The following MARCHF9 variants were observed in gnomAD, a reference collection of about 807,000 sequenced individuals.
MARCHF9 encodes the protein membrane associated ring-CH-type finger 9.
Under a neutral mutation model 35.2 loss-of-function variants are expected in MARCHF9, and 17 were observed. The observed-to-expected ratio is 0.48, with a 90% CI of 0.33 to 0.72. The LOEUF (loss-of-function observed/expected upper bound fraction) is 0.72, where lower values mean the gene tolerates loss of function less well. Ranked by LOEUF, MARCHF9 falls within the 30% of genes least tolerant of loss-of-function variation. The pLI is 0.02. For synonymous variants in MARCHF9, 183 were observed against 207.4 expected (o/e 0.88, Z 1.01); for missense variants, 386 against 478.2 (o/e 0.81, Z 1.80).
chr12:57,755,911 G>A, intron 1 of MARCHF9, 26 bp downstream of exon 1: 1 of 1,432,828 alleles, frequency 7.0e-7, no homozygotes, highest in Non-Finnish European at 9.1e-7. Context: ...CTGGCCGGGC[G>A]CGGAGGGTGG....
At position 57,759,562 on chromosome 12, in the gene MARCHF9, G is replaced by T. The variant is rs1357252354; in HGVS notation, c.*665G>T. On this transcript the variant is annotated 3_prime_UTR_variant, in exon 4 of 4. Coordinates refer to ENST00000266643, the MANE Select transcript of MARCHF9 (RefSeq NM_138396.6). ...CACTTGCTGGTGAATAATTCATGTT[G>T]GCTGCTAGGTGGCAGCACTCCGAGG... The T allele has an allele frequency of 6.6e-6, 1 of 152,194 alleles. No homozygotes were observed. Among genetic ancestry groups the T allele is most frequent in the Non-Finnish European group, 1.5e-5 (1 of 68,040 alleles). 9.4% of individuals were successfully genotyped at this position (152,194 alleles called of 1,614,324 possible). A position where few individuals can be genotyped will look rare whatever the true frequency, so the allele number is the denominator to read the frequency against.
At position 57,758,372 on chromosome 12, in the gene MARCHF9, C is replaced by T. The variant is rs1955299967; in HGVS notation, c.706+72C>T. On this transcript the variant is annotated intron_variant, in intron 3 of 3. Transcript: ENST00000266643. This position sits in a 1 kb window ranked among gnomAD's most constrained non-coding sequence, Gnocchi z 5.4. ...CACACCTAACTCCCCTGCCCATCCCCTCAGTTTCCTGGCTTTATTTTCTGC... is the reference window on the plus strand; with the variant it reads ...CACACCTAACTCCCCTGCCCATCCCTTCAGTTTCCTGGCTTTATTTTCTGC... The T allele has an allele frequency of 6.7e-7, 1 of 1,495,064 alleles. No individual in the cohort carries two copies. Among genetic ancestry groups the T allele is most frequent in the African/African-American group, 1.4e-5 (1 of 71,890 alleles). The allele number at this position is 1,495,064 out of a possible 1,614,324, so 92.6% of individuals were successfully genotyped here. A position where few individuals can be genotyped will look rare whatever the true frequency, so the allele number is the denominator to read the frequency against.
chr12:57,755,466 C>A lies in MARCHF9; in HGVS notation c.-63C>A. ...CGCCCCCTTCCCGGCCTTGTCCTCT[C>A]CCCTCCCCCCGCCGCTAGCGAGCCC... On this transcript the variant is annotated 5_prime_UTR_variant, in exon 1 of 4. Transcript: ENST00000266643. The A allele has an allele frequency of 3.5e-6, 1 of 287,290 alleles. No individual in the cohort carries two copies. Among genetic ancestry groups the A allele is most frequent in the Non-Finnish European group, 6.0e-6 (1 of 167,104 alleles). The allele number at this position is 287,290 out of a possible 1,614,324, so 17.8% of individuals were successfully genotyped here. A position where few individuals can be genotyped will look rare whatever the true frequency, so the allele number is the denominator to read the frequency against.
Position 57,759,276 on chromosome 12 carries a change from A to G in MARCHF9, c.*379A>G, listed in dbSNP as rs3741423. ...CAGAAGAAAGGGGCTGTAGACCCCT[A>G]TTCCCCACCCCATGGCCACAGGGCA... On this transcript the variant is annotated 3_prime_UTR_variant, in exon 4 of 4. Coordinates refer to ENST00000266643, the MANE Select transcript of MARCHF9 (RefSeq NM_138396.6). The G allele has an allele frequency of 0.047, 10,076 of 214,644 alleles. 342 individuals are homozygous for G. The highest frequency in any genetic ancestry group is 0.068 in the Non-Finnish European group (7,233 of 106,070). The allele number at this position is 214,644 out of a possible 1,614,324, so 13.3% of individuals were successfully genotyped here.
At position 57,758,927 on chromosome 12, in the gene MARCHF9, C is replaced by T; in HGVS notation, c.*30C>T. 2.0e-6 allele frequency: 3 copies of T among 1,534,388 alleles called. No individual in the cohort carries two copies. The highest frequency in any genetic ancestry group is 1.7e-4 in the Middle Eastern group (1 of 5,726). On this transcript the variant is annotated 3_prime_UTR_variant, in exon 4 of 4. Transcript: ENST00000266643. This position sits in a 1 kb window ranked among gnomAD's most constrained non-coding sequence, Gnocchi z 5.4. The stretch of plus-strand genomic sequence containing the variant: ...GACTCCAGGAGCAGGGATCTTGAGT[C>T]AATGCATCAGTCAGAGAAGAACTCT...
chr12:57,757,976 C>A, intron 2 of MARCHF9, 132 bp from the exon 3 acceptor site: 1 of 883,136 alleles, frequency 1.1e-6, no homozygotes, highest in Non-Finnish European at 1.9e-6. Flanking sequence ...AATCAAGGCA[C>A]AGAGAAGACA....
In MARCHF9 at chr12:57,759,163, T is replaced by TC. The variant is rs925796529; in HGVS notation, c.*269dup. ...GGCAGGCGGGGAGAGCAGCTTTCCT[T>TC]CCCTGGAGAGAACCGTCTTTACCTC... is the stretch of plus-strand genomic sequence containing the variant. On this transcript the variant is annotated 3_prime_UTR_variant, in exon 4 of 4. Transcript: ENST00000266643. 3 of 429,422 alleles carry TC rather than the reference T, an allele frequency of 7.0e-6. No homozygotes were observed. The highest frequency in any genetic ancestry group is 1.3e-5 in the Non-Finnish European group (3 of 239,492). 26.6% of individuals were successfully genotyped at this position (429,422 alleles called of 1,614,324 possible). A position where few individuals can be genotyped will look rare whatever the true frequency, so the allele number is the denominator to read the frequency against.
At chr12:57,757,684 T>G (rs1272983497) in intron 2 of MARCHF9, 2 of 442,856 alleles carry the variant, frequency 4.5e-6, no homozygotes, top group Non-Finnish European at 8.0e-6. Flanking sequence ...AAAATGATGT[T>G]GATGATGATA....
rs1955279408 is a variant in MARCHF9 at position 57,755,522 on chromosome 12, C to T, written c.-7C>T. ...GCACGCTGCCCCCCGCCCCCGGTGT[C>T]CGGACGATGCTCAAGTCTCGGCTCC... On this transcript the variant is annotated 5_prime_UTR_variant, in exon 1 of 4. Coordinates refer to ENST00000266643, the MANE Select transcript of MARCHF9 (RefSeq NM_138396.6). The T allele has an allele frequency of 4.8e-6, 5 of 1,047,186 alleles. No individual in the cohort carries two copies. In the South Asian group the frequency reaches 8.3e-5, roughly 17 times the overall value. The allele number at this position is 1,047,186 out of a possible 1,614,324, so 64.9% of individuals were successfully genotyped here.
At position 57,758,402 on chromosome 12, in the gene MARCHF9, G is replaced by A. The variant is rs1418062715; in HGVS notation, c.706+102G>A. On this transcript the variant is annotated intron_variant, in intron 3 of 3. Coordinates refer to ENST00000266643, the MANE Select transcript of MARCHF9 (RefSeq NM_138396.6). This position sits in a 1 kb window ranked among gnomAD's most constrained non-coding sequence, Gnocchi z 5.4. ...TTTCCTGGCTTTATTTTCTGCCACTGTAGCCTTTAGTGCTATCCTGGTGCC... is the reference window on the plus strand; with the variant it reads ...TTTCCTGGCTTTATTTTCTGCCACTATAGCCTTTAGTGCTATCCTGGTGCC... 3 of 1,394,108 alleles carry A rather than the reference G, an allele frequency of 2.2e-6. No individual in the cohort carries two copies. The highest frequency in any genetic ancestry group is 2.3e-5 in the Admixed American group (1 of 42,786). 86.4% of individuals were successfully genotyped at this position (1,394,108 alleles called of 1,614,324 possible).
Position 57,755,532 on chromosome 12 carries a change from C to A in MARCHF9, c.4C>A (p.Leu2Ile). 8.7e-7 allele frequency: 1 copy of A among 1,149,248 alleles called. No homozygotes were observed. Among genetic ancestry groups the A allele is most frequent in the Non-Finnish European group, 1.1e-6 (1 of 918,150 alleles). 71.2% of individuals were successfully genotyped at this position (1,149,248 alleles called of 1,614,324 possible). MLKSRLRMFLNE... is the reference protein window; with the variant it reads MIKSRLRMFLNE... ...CCCCGCCCCCGGTGTCCGGACGATG[C>A]TCAAGTCTCGGCTCCGCATGTTTCT... Residue 2 changes from leucine to isoleucine, a missense_variant, in exon 1 of 4, where the codon CTC becomes ATC. Physicochemically the swap from Leu to Ile is conservative, Grantham distance 5 (BLOSUM62 2). Coordinates refer to ENST00000266643, the MANE Select transcript of MARCHF9 (RefSeq NM_138396.6).
chr12:57,758,585 C>T lies in MARCHF9; in HGVS notation c.729C>T (p.Ser243=), dbSNP rs970999606. The T allele has an allele frequency of 5.6e-6, 9 of 1,611,314 alleles. No individual in the cohort carries two copies. The African/African-American group carries it at 8.0e-5, about 14-fold the overall frequency. The part of the protein sequence containing the change: ...VCIGLIIHEG[S]SVYRIFKRWQ... ...CAGGCCTCATCATCCATGAAGGCTCCTCTGTCTACCGCATCTTCAAGCGCT... is the reference window on the plus strand; with the variant it reads ...CAGGCCTCATCATCCATGAAGGCTCTTCTGTCTACCGCATCTTCAAGCGCT... Residue 243 remains serine (S), a synonymous_variant, in exon 4 of 4, where the codon TCC becomes TCT. Coordinates refer to ENST00000266643, the MANE Select transcript of MARCHF9 (RefSeq NM_138396.6). This position sits in a 1 kb window ranked among gnomAD's most constrained non-coding sequence, Gnocchi z 5.4.
Position 57,755,808 on chromosome 12 carries a change from G to A in MARCHF9, c.280G>A (p.Ala94Thr). Residue 94 changes from alanine (A) to threonine (T), a missense_variant, in exon 1 of 4, where the codon GCC becomes ACC. Ala to Thr is a moderately conservative substitution (Grantham distance 58). Around this residue, in one of 3 missense-constraint regions of MARCHF9, gnomAD observed 219 missense variants for 316.2 expected, o/e 0.69. Transcript: ENST00000266643. ...PPLPPPGALD[A>T]LSLSSSLDSG... The stretch of plus-strand genomic sequence containing the variant: ...GCTGCCGCCCCCGGGCGCGCTGGAC[G>A]CCCTGTCGCTCAGCAGTAGCCTGGA... The A allele has an allele frequency of 7.3e-6, 10 of 1,365,542 alleles. No individual in the cohort carries two copies. Among genetic ancestry groups the A allele is most frequent in the Non-Finnish European group, 9.4e-6 (10 of 1,059,412 alleles). The allele number at this position is 1,365,542 out of a possible 1,614,324, so 84.6% of individuals were successfully genotyped here. A position where few individuals can be genotyped will look rare whatever the true frequency, so the allele number is the denominator to read the frequency against.
chr12:57,759,871 A>G lies in MARCHF9; in HGVS notation c.*974A>G, dbSNP rs981331655. The G allele has an allele frequency of 2.6e-5, 4 of 152,232 alleles. No individual in the cohort carries two copies. Among genetic ancestry groups the G allele is most frequent in the Non-Finnish European group, 5.9e-5 (4 of 68,038 alleles). 9.4% of individuals were successfully genotyped at this position (152,232 alleles called of 1,614,324 possible). ...TTTTGTGTTGAGTGACATAATAGGT[A>G]TGGAAATATGAGGGGAAATAGACAT... is the stretch of plus-strand genomic sequence containing the variant. On this transcript the variant is annotated 3_prime_UTR_variant, in exon 4 of 4. Coordinates refer to ENST00000266643, the MANE Select transcript of MARCHF9 (RefSeq NM_138396.6).
In MARCHF9 at chr12:57,755,512, C is replaced by T. The variant is rs766505795; in HGVS notation, c.-17C>T. ...AGCCCCCCTTGCACGCTGCCCCCCG[C>T]CCCCGGTGTCCGGACGATGCTCAAG... On this transcript the variant is annotated 5_prime_UTR_variant, in exon 1 of 4. Coordinates refer to ENST00000266643, the MANE Select transcript of MARCHF9 (RefSeq NM_138396.6). The T allele has an allele frequency of 3.9e-6, 5 of 1,292,896 alleles. No homozygotes were observed. The highest frequency in any genetic ancestry group is 5.0e-6 in the Non-Finnish European group (5 of 1,007,818). The allele number at this position is 1,292,896 out of a possible 1,614,324, so 80.1% of individuals were successfully genotyped here. A position where few individuals can be genotyped will look rare whatever the true frequency, so the allele number is the denominator to read the frequency against.
intron 1 of MARCHF9, 27 bp from the exon 2 acceptor site, chr12:57,756,902 C>T (rs1392641165): frequency 6.8e-7 from 1 of 1,476,040 alleles, no homozygotes; most frequent in African/African-American, 1.4e-5. Flanking sequence ...TGATGGCTGA[C>T]AGGGCCCCTC....
Position 57,758,131 on chromosome 12 carries a change from C to A in MARCHF9, c.537C>A (p.Val179=). ...AGTGGCAGGCCATCTCCCTGACGGT[C>A]ATCGAGAAGGTCCAGATTGCTGCCA... ...PLQWQAISLT[V]IEKVQIAAIV... The change falls in exon 3 of 4, where the codon GTC becomes GTA. Residue 179 remains valine (V), a synonymous_variant. Coordinates refer to ENST00000266643, the MANE Select transcript of MARCHF9 (RefSeq NM_138396.6). This position sits in a 1 kb window ranked among gnomAD's most constrained non-coding sequence, Gnocchi z 5.4. 1 of 1,614,178 alleles carries A rather than the reference C, an allele frequency of 6.2e-7. No homozygotes were observed. Among genetic ancestry groups the A allele is most frequent in the Non-Finnish European group, 8.5e-7 (1 of 1,180,036 alleles).
At position 57,758,183 on chromosome 12, in the gene MARCHF9, G is replaced by T; in HGVS notation, c.589G>T (p.Ala197Ser). ...AIVLGSLFLV[A>S]SISWLIWSSL... ...AGTTCTGGGCTCGCTCTTCCTGGTT[G>T]CCAGCATCTCCTGGCTCATCTGGTC... is the stretch of plus-strand genomic sequence containing the variant. The change falls in exon 3 of 4, where the codon GCC (alanine) becomes TCC (serine). Residue 197 changes from alanine (A) to serine (S), a missense_variant. Physicochemically the swap from Ala to Ser is moderately conservative, Grantham distance 99. Transcript: ENST00000266643. This position sits in a 1 kb window ranked among gnomAD's most constrained non-coding sequence, Gnocchi z 5.4. 1 of 1,614,214 alleles carries T rather than the reference G, an allele frequency of 6.2e-7. No individual in the cohort carries two copies. Among genetic ancestry groups the T allele is most frequent in the Non-Finnish European group, 8.5e-7 (1 of 1,180,038 alleles).
intron 1 of MARCHF9, 34 bp from the exon 2 acceptor site, chr12:57,756,895 T>C (rs1461730454): frequency 1.4e-6 from 2 of 1,467,484 alleles, no homozygotes; most frequent in East Asian, 2.6e-5. Flanking sequence ...GGGGTGGTGA[T>C]GGCTGACAGG....
Sources: gnomAD v4.1 joint callset for allele counts on GRCh38, gnomAD v4.1.1 for gene constraint, gnomAD v4.1.1 regional missense constraint, Gnocchi (gnomAD v3.1) non-coding constraint, MANE v1.5 for transcripts, NCBI Gene and HGNC (gene_info 2026-07-23, HGNC 2026-07-21) for gene names.